Variants in GOLGA1 observed in about 807,000 individuals in gnomAD.
The protein encoded by GOLGA1 is golgin subfamily A member 1.
Under a neutral mutation model 119.7 loss-of-function variants are expected in GOLGA1, and 63 were observed. The observed-to-expected ratio is 0.53, with a 90% CI of 0.43 to 0.65. The LOEUF (loss-of-function observed/expected upper bound fraction) is 0.65, where lower values mean the gene tolerates loss of function less well. Among genes scored for constraint, GOLGA1 ranks in the 30% least tolerant of loss-of-function variants. The pLI, the probability that GOLGA1 is intolerant of heterozygous loss-of-function variation, is 0.00. For missense variants in GOLGA1, 798 were observed against 912.8 expected (o/e 0.87, Z 1.62); for synonymous variants, 318 against 333.4 (o/e 0.95, Z 0.50).
rs1340783970 is a variant in GOLGA1 at position 124,881,087 on chromosome 9, G to A, written c.2223+84C>T. 2.5e-6 allele frequency: 2 copies of A among 792,448 alleles called. No individual in the cohort carries two copies. The highest frequency in any genetic ancestry group is 4.6e-6 in the Non-Finnish European group (2 of 436,008). 49.1% of individuals were successfully genotyped at this position (792,448 alleles called of 1,614,324 possible). On this transcript the variant is annotated intron_variant, in intron 22 of 22. Transcript: ENST00000373555. This position sits in a 1 kb window ranked among gnomAD's most constrained non-coding sequence, Gnocchi z 4.9. ...TGTGCTGGTGCCTACACTCGGGTGT[G>A]GGTCTAAGGGGTCTTACACTGCTAC... is the stretch of plus-strand genomic sequence containing the variant.
In GOLGA1 at chr9:124,896,606, C is replaced by A. The variant is rs116018644; in HGVS notation, c.1407+1943G>T. On this transcript the variant is annotated intron_variant, in intron 15 of 22. Transcript: ENST00000373555. ...ATTCTTCACAGGCAGCCAGAGAAAT[C>A]CTTTTAAAACAAAACTTCTCACATC... Among the ~76,000 whole-genome samples, 1,490 of 152,190 alleles carry A rather than the reference C, an allele frequency of 9.8e-3. 20 individuals carry two copies. Among genetic ancestry groups the A allele is most frequent in the African/African-American group, 0.034 (1,419 of 41,532 alleles).
rs569943699 is a variant in GOLGA1 at position 124,925,914 on chromosome 9, C to G, written c.432+795G>C. ...GAATATATTACTTAAGGTACCTGTA[C>G]GGTGTTATGCAAGCAATGGTACTAG... On this transcript the variant is annotated intron_variant, in intron 7 of 22. Transcript: ENST00000373555. Among the ~76,000 whole-genome samples, 6 of 152,172 alleles carry G rather than the reference C, an allele frequency of 3.9e-5. No homozygotes were observed. The South Asian group carries it at 1.2e-3, about 32-fold the overall frequency.
chr9:124,890,935 G>A (rs576799736), intron 15 of GOLGA1, among the ~76,000 whole-genome samples: 2 of 152,264 alleles, frequency 1.3e-5, no homozygotes, highest in Admixed American at 6.5e-5. Context: ...TGGGAGGATC[G>A]CTTGAACCCA....
At position 124,889,277 on chromosome 9, in the gene GOLGA1, G is replaced by GT. The variant is rs1166365947; in HGVS notation, c.1626dup (p.His543ThrfsTer43). On this transcript the variant is annotated frameshift_variant, in exon 18 of 23. Coordinates refer to ENST00000373555, the MANE Select transcript of GOLGA1 (RefSeq NM_002077.4). LOFTEE classifies it high-confidence loss of function. ...GCCTCCAGCTCGGCCTGCAGCTGGT[G>GT]TATCTGCAGCAGGGCAGAGTTGTGA... 1 of 1,613,906 alleles carries GT rather than the reference G, an allele frequency of 6.2e-7. No homozygotes were observed. Among genetic ancestry groups the GT allele is most frequent in the Non-Finnish European group, 8.5e-7 (1 of 1,179,920 alleles).
chr9:124,944,511 G>A (rs1831112132), upstream of GOLGA1: 1 of 145,812 alleles, frequency 6.9e-6, no homozygotes, highest in South Asian at 2.2e-4. Flanking sequence ...TAGCGACAGG[G>A]TTTCACTGTA....
In GOLGA1 at chr9:124,896,929, C is replaced by A. The variant is rs569762635; in HGVS notation, c.1407+1620G>T. On this transcript the variant is annotated intron_variant, in intron 15 of 22. Coordinates refer to ENST00000373555, the MANE Select transcript of GOLGA1 (RefSeq NM_002077.4). ...CCTGGGCAACAGAGCAAGACCCTGT[C>A]TCAAAAAAAAAAAGACCTGCCAGGG... is the stretch of plus-strand genomic sequence containing the variant. Among the ~76,000 whole-genome samples the A allele has an allele frequency of 2.2e-3, 333 of 151,008 alleles. 2 individuals carry two copies. Among genetic ancestry groups the A allele is most frequent in the African/African-American group, 7.9e-3 (322 of 40,886 alleles).
rs1368323402 is a variant in GOLGA1, at chr9:124,889,132, C to G, written c.1761+11G>C. ...TGCTGTAGCACCCATGCAGGTGCAG[C>G]TGGGACTTACGTGCGACTCATTGAC... On this transcript the variant is annotated intron_variant, in intron 18 of 22. Transcript: ENST00000373555. 1 of 1,599,338 alleles carries G rather than the reference C, an allele frequency of 6.3e-7. No homozygotes were observed. The highest frequency in any genetic ancestry group is 2.2e-5 in the East Asian group (1 of 44,724).
rs928194746 is a variant in GOLGA1 at position 124,898,528 on chromosome 9, T to C, written c.1407+21A>G. On this transcript the variant is annotated intron_variant, in intron 15 of 22. Coordinates refer to ENST00000373555, the MANE Select transcript of GOLGA1 (RefSeq NM_002077.4). ...AAAACATGAACACTTTTATGAAACT[T>C]TGATTCAATTAGATAAATACCTTCA... The C allele has an allele frequency of 8.1e-6, 11 of 1,355,122 alleles. No individual in the cohort carries two copies. In the African/African-American group the frequency reaches 8.6e-5, roughly 11 times the overall value. 83.9% of individuals were successfully genotyped at this position (1,355,122 alleles called of 1,614,324 possible).
In GOLGA1 at chr9:124,938,828, C is replaced by A; in HGVS notation, c.-117G>T. ...CAGACATCCAAGCTAGCTGCATTCC[C>A]ACTTAAATGTGGGCCAAGGGCTTAT... On this transcript the variant is annotated 5_prime_UTR_variant, in exon 3 of 23. Coordinates refer to ENST00000373555, the MANE Select transcript of GOLGA1 (RefSeq NM_002077.4). 1 of 767,308 alleles carries A rather than the reference C, an allele frequency of 1.3e-6. No homozygotes were observed. The highest frequency in any genetic ancestry group is 2.7e-5 in the East Asian group (1 of 36,952). The allele number at this position is 767,308 out of a possible 1,614,324, so 47.5% of individuals were successfully genotyped here.
At chr9:124,937,925 T>G (rs1381577854) in intron 3 of GOLGA1, among the ~76,000 whole-genome samples, 1 of 150,236 alleles carries the variant, frequency 6.7e-6, no homozygotes, top group Non-Finnish European at 1.5e-5. Flanking sequence ...TCTACTAAAA[T>G]ACAAAAAATT....
At chr9:124,916,921 C>G (rs1163129112) in intron 10 of GOLGA1, among the ~76,000 whole-genome samples, 1 of 141,556 alleles carries the variant, frequency 7.1e-6, no homozygotes, top group South Asian at 2.2e-4. Context: ...AAAAAAAAAC[C>G]CACCATCGAC....
At chr9:124,899,017 G>A (rs931004165) in intron 14 of GOLGA1, among the ~76,000 whole-genome samples, 2 of 151,996 alleles carry the variant, frequency 1.3e-5, no homozygotes, top group Non-Finnish European at 2.9e-5. Context: ...GCAACACAGT[G>A]AGACCTTGTC....
chr9:124,921,701 G>A (rs775745735), intron 9 of GOLGA1, 22 bp downstream of exon 9: 2 of 1,591,434 alleles, frequency 1.3e-6, no homozygotes, highest in East Asian at 2.2e-5. Context: ...CTTCCCAAGG[G>A]CCCCACAGAC....
chr9:124,891,473 G>A (rs894237200), intron 15 of GOLGA1, among the ~76,000 whole-genome samples: 1 of 152,202 alleles, frequency 6.6e-6, no homozygotes. Flanking sequence ...ATCTACCATC[G>A]TAGTGGAAGA....
chr9:124,929,747 A>G (rs1253776276), intron 4 of GOLGA1, among the ~76,000 whole-genome samples: 1 of 152,148 alleles, frequency 6.6e-6, no homozygotes, highest in Non-Finnish European at 1.5e-5. Context: ...TAGGTGCAGC[A>G]TTGTCTTTAT....
chr9:124,916,101 C>CTAAATAAATAAATAAATAAATAAA (rs5900631), intron 10 of GOLGA1, among the ~76,000 whole-genome samples: 1 of 144,254 alleles, frequency 6.9e-6, no homozygotes, highest in East Asian at 2.1e-4. Flanking sequence ...GACTGTATCT[C>CTAAATAAATAAATAAATAAATAAA]TAAATAAATA....
At chr9:124,925,056 G>A (rs1302702368) in intron 7 of GOLGA1, among the ~76,000 whole-genome samples, 1 of 150,116 alleles carries the variant, frequency 6.7e-6, no homozygotes, top group Non-Finnish European at 1.5e-5. Flanking sequence ...CTCCAGCCTG[G>A]GCGACAGAGC....
intron 19 of GOLGA1, among the ~76,000 whole-genome samples, chr9:124,883,587 A>C (rs1411816112): frequency 1.3e-5 from 2 of 152,164 alleles, no homozygotes; most frequent in Admixed American, 6.5e-5. Context: ...AGCTGGGATT[A>C]CTGGTTCCCA....
chr9:124,908,448 C>T lies in GOLGA1; in HGVS notation c.994G>A (p.Glu332Lys), dbSNP rs1588077389. The T allele has an allele frequency of 6.2e-7, 1 of 1,606,026 alleles. No homozygotes were observed. Among genetic ancestry groups the T allele is most frequent in the Non-Finnish European group, 8.5e-7 (1 of 1,172,572 alleles). Residue 332 changes from glutamate (E) to lysine (K), a missense_variant, in exon 12 of 23, where the codon GAG (glutamate) becomes AAG (lysine). Physicochemically the swap from Glu to Lys is moderately conservative, Grantham distance 56. Transcript: ENST00000373555. ...GCCAAGAGCTGTTGTCTGGTATCCT[C>T]CAAATTCTGCTCAGCAAGTGTTTTC... ...KEKTLAEQNL[E>K]DTRQQLLAAR...
Sources: gnomAD v4.1 joint callset for allele counts (sites outside exome capture counted in the v4.1 genomes callset) on GRCh38, gnomAD v4.1.1 for gene constraint, Gnocchi (gnomAD v3.1) non-coding constraint, MANE v1.5 for transcripts, NCBI Gene and HGNC (gene_info 2026-07-23, HGNC 2026-07-21) for gene names.